Variants in GPC5 observed in about 807,000 individuals in gnomAD.
GPC5 encodes glypican 5.
In GPC5, 47 loss-of-function variants were observed where a neutral mutation model predicts 53.9. The ratio of observed to expected loss-of-function variants is 0.87; its 90% CI spans 0.69 to 1.11. The LOEUF is 1.11. Among genes scored for constraint, GPC5 ranks in the 50% most tolerant of loss-of-function variants. The probability of loss-of-function intolerance (pLI) is 0.00; values close to 1 mark genes in which losing one functional copy is unlikely to be tolerated. For synonymous variants in GPC5, 286 were observed against 263.3 expected (o/e 1.09, Z -0.84); for missense variants, 748 against 713.1 (o/e 1.05, Z -0.56).
chr13:92,147,937 G>A (rs182458789), intron 7 of GPC5, among the ~76,000 whole-genome samples: 81 of 152,162 alleles, frequency 5.3e-4, no homozygotes, highest in African/African-American at 1.9e-3. Context: ...TATTGGTAAA[G>A]CAAGTTAAGG....
At chr13:91,837,262 G>A (rs1020187868) in intron 5 of GPC5, among the ~76,000 whole-genome samples, 1 of 151,530 alleles carries the variant, frequency 6.6e-6, no homozygotes, top group Non-Finnish European at 1.5e-5. Context: ...GTTTTCAAAG[G>A]ACCAAAAACT....
At position 91,649,816 on chromosome 13, in the gene GPC5, T is replaced by C. The variant is rs573647493; in HGVS notation, c.326-43371T>C. ...CTCCACATGGCTTGTATTCTTCTGA[T>C]CATCTCAAACATATCACCTACATTC... On this transcript the variant is annotated intron_variant, in intron 2 of 7. Transcript: ENST00000377067. Among the ~76,000 whole-genome samples the C allele has an allele frequency of 6.1e-4, 93 of 152,336 alleles. 1 individual carries two copies. Among genetic ancestry groups the C allele is most frequent in the Non-Finnish European group, 1.1e-3 (74 of 68,036 alleles).
intron 7 of GPC5, among the ~76,000 whole-genome samples, chr13:92,865,312 T>C (rs1238930478): frequency 6.6e-6 from 1 of 151,754 alleles, no homozygotes; most frequent in African/African-American, 2.4e-5. Flanking sequence ...GATCTGTTGA[T>C]AGATATCTAC....
chr13:91,786,792 G>A (rs1386428346), intron 5 of GPC5, among the ~76,000 whole-genome samples: 2 of 152,060 alleles, frequency 1.3e-5, no homozygotes, highest in Non-Finnish European at 2.9e-5. Context: ...GTTGCTTGGG[G>A]GAGAACTGAT....
At chr13:92,809,146 G>C (rs1397901197) in intron 7 of GPC5, among the ~76,000 whole-genome samples, 1 of 152,110 alleles carries the variant, frequency 6.6e-6, no homozygotes, top group Admixed American at 6.6e-5. Context: ...AGAATGGACA[G>C]TTACTCTCTA....
chr13:91,640,543 G>T (rs896606319), intron 2 of GPC5, among the ~76,000 whole-genome samples: 2 of 152,202 alleles, frequency 1.3e-5, no homozygotes, highest in Non-Finnish European at 1.5e-5. Flanking sequence ...GTGTACATTT[G>T]TTCAACCATT....
Position 91,412,972 on chromosome 13 carries a change from G to A in GPC5, c.163+13763G>A, listed in dbSNP as rs866411935. On this transcript the variant is annotated intron_variant, in intron 1 of 7. Transcript: ENST00000377067. ...TTATGTGGACATTAAATGAATAAAGGTAAAGCTGTATAAATAACCAAAGTA... is the reference window on the plus strand; with the variant it reads ...TTATGTGGACATTAAATGAATAAAGATAAAGCTGTATAAATAACCAAAGTA... Among the ~76,000 whole-genome samples, 6 of 152,222 alleles carry A rather than the reference G, an allele frequency of 3.9e-5. No homozygotes were observed. The South Asian group carries it at 1.2e-3, about 32-fold the overall frequency.
At chr13:91,470,715 T>A (rs1417293327) in intron 2 of GPC5, among the ~76,000 whole-genome samples, 1 of 152,176 alleles carries the variant, frequency 6.6e-6, no homozygotes, top group Non-Finnish European at 1.5e-5. Context: ...TAAAAGTGTC[T>A]GAAGTAATTA....
chr13:92,163,460 C>CAAAAAAAAAAAA (rs35480023), intron 7 of GPC5, among the ~76,000 whole-genome samples: 1 of 90,362 alleles, frequency 1.1e-5, no homozygotes, highest in African/African-American at 3.7e-5. Flanking sequence ...GATTCCATCT[C>CAAAAAAAAAAAA]AAAAAAAAAA....
intron 6 of GPC5, among the ~76,000 whole-genome samples, chr13:92,046,001 C>G (rs2040979031): frequency 6.6e-6 from 1 of 152,102 alleles, no homozygotes; most frequent in Non-Finnish European, 1.5e-5. Flanking sequence ...GTCCAAGCTA[C>G]TCAGGAGGCT....
chr13:91,992,968 G>A (rs1272998882), intron 6 of GPC5, among the ~76,000 whole-genome samples: 2 of 152,158 alleles, frequency 1.3e-5, no homozygotes, highest in Non-Finnish European at 2.9e-5. Context: ...TAACACAAAG[G>A]AACAGAGTTA....
Position 91,500,997 on chromosome 13 carries a change from C to A in GPC5, c.325+52075C>A, listed in dbSNP as rs530497781. Among the ~76,000 whole-genome samples, 54 of 152,244 alleles carry A rather than the reference C, an allele frequency of 3.5e-4. 1 individual carries two copies. The highest frequency in any genetic ancestry group is 1.2e-3 in the African/African-American group (48 of 41,530). On this transcript the variant is annotated intron_variant, in intron 2 of 7. Transcript: ENST00000377067. ...TGGAAGATGTGCCTTTCACCTTCTG[C>A]CGTGATTGGGAGGCCTCCCCAGCCA... is the stretch of plus-strand genomic sequence containing the variant.
intron 7 of GPC5, among the ~76,000 whole-genome samples, chr13:92,577,217 T>G (rs1454614431): frequency 1.3e-5 from 2 of 152,158 alleles, no homozygotes; most frequent in African/African-American, 4.8e-5. Context: ...TTCCCTTTAC[T>G]TAGAATAATT....
At chr13:92,481,228 G>A (rs999005816) in intron 7 of GPC5, among the ~76,000 whole-genome samples, 7 of 151,892 alleles carry the variant, frequency 4.6e-5, no homozygotes, top group African/African-American at 1.5e-4. Context: ...AGCCTCCCGA[G>A]TAGCTGGGAC....
At chr13:91,437,795 C>T (rs1880098466) in intron 1 of GPC5, among the ~76,000 whole-genome samples, 1 of 152,216 alleles carries the variant, frequency 6.6e-6, no homozygotes, top group Admixed American at 6.5e-5. Context: ...TTCAGGTACA[C>T]CAATCAGACA....
intron 6 of GPC5, among the ~76,000 whole-genome samples, chr13:92,032,495 C>T (rs1486484801): frequency 6.6e-6 from 1 of 151,826 alleles, no homozygotes; most frequent in African/African-American, 2.4e-5. Flanking sequence ...TTTTTACCTC[C>T]TCCCTGCACT....
chr13:92,528,195 G>C (rs751726314), intron 7 of GPC5, among the ~76,000 whole-genome samples: 16 of 152,068 alleles, frequency 1.1e-4, no homozygotes, highest in Middle Eastern at 6.3e-3. Flanking sequence ...GTACATTTTA[G>C]TATGGGAATG....
chr13:92,103,249 A>G (rs1388907826), intron 6 of GPC5, among the ~76,000 whole-genome samples: 3 of 152,150 alleles, frequency 2.0e-5, no homozygotes, highest in Non-Finnish European at 2.9e-5. Flanking sequence ...GGAATTACAT[A>G]TAATAGATTG....
intron 7 of GPC5, among the ~76,000 whole-genome samples, chr13:92,437,783 C>G (rs1031064094): frequency 6.6e-6 from 1 of 152,058 alleles, no homozygotes; most frequent in African/African-American, 2.4e-5. Flanking sequence ...ACAAGCTGAA[C>G]TCTGATTGGT....
Sources: gnomAD v4.1 joint callset for allele counts (sites outside exome capture counted in the v4.1 genomes callset) on GRCh38, gnomAD v4.1.1 for gene constraint, MANE v1.5 for transcripts, NCBI Gene and HGNC (gene_info 2026-07-23, HGNC 2026-07-21) for gene names.